Variants in SUGCT observed in about 807,000 individuals in gnomAD.
The protein encoded by SUGCT is succinyl-CoA:glutarate-CoA transferase, also known as succinyl-CoA:glutarate CoA-transferase.
In SUGCT, 41 loss-of-function variants were observed where a neutral mutation model predicts 55.0. The observed-to-expected ratio is 0.74, with a 90% CI of 0.58 to 0.97. The LOEUF is 0.97. SUGCT is among the 50% of genes least tolerant of loss of function. The pLI is 0.00. For missense variants in SUGCT, 568 were observed against 547.8 expected, an observed-to-expected ratio of 1.04 and a Z score of -0.37; for synonymous variants, 187 against 200.4, an observed-to-expected ratio of 0.93 and a Z score of 0.56.
intron 9 of SUGCT, among the ~76,000 whole-genome samples, chr7:40,338,815 G>A (rs118072957): frequency 0.015 from 2,260 of 152,266 alleles, 33 homozygotes; most frequent in Non-Finnish European, 0.022. Context: ...TTGTAGGGGA[G>A]GGGTGCTTGG....
Position 40,242,950 on chromosome 7 carries a change from T to A in SUGCT, c.576+5224T>A, listed in dbSNP as rs1189495796. Among the ~76,000 whole-genome samples, 174 of 91,052 alleles carry A rather than the reference T, an allele frequency of 1.9e-3. 5 individuals carry two copies. Among genetic ancestry groups the A allele is most frequent in the African/African-American group, 6.6e-3 (160 of 24,344 alleles). The allele number at this position is 91,052 out of a possible 152,430, so 59.7% of individuals were successfully genotyped here. A position where few individuals can be genotyped will look rare whatever the true frequency, so the allele number is the denominator to read the frequency against. ...ATATATATATTTTTTTTTTTTTTTT[T>A]TTTTTTTTTTTTGAGACAAGGTCTC... On this transcript the variant is annotated intron_variant, in intron 7 of 13. Coordinates refer to ENST00000335693, the MANE Select transcript of SUGCT (RefSeq NM_001193313.2).
At chr7:40,377,205 T>TC (rs1784627796) in intron 9 of SUGCT, among the ~76,000 whole-genome samples, 1 of 5,504 alleles carries the variant, frequency 1.8e-4, no homozygotes, top group African/African-American at 2.1e-4. Flanking sequence ...TTTCTTTTCT[T>TC]TTCTTTTCTT....
At chr7:40,610,219 G>T (rs764967612) in intron 12 of SUGCT, among the ~76,000 whole-genome samples, 1 of 152,110 alleles carries the variant, frequency 6.6e-6, no homozygotes, top group African/African-American at 2.4e-5. Context: ...TGTAGCATCC[G>T]CATGTAAGTC....
At chr7:40,927,526 A>G in the SUGCT span, among the ~76,000 whole-genome samples, 83 of 152,334 alleles carry the variant, frequency 5.4e-4, no homozygotes, top group African/African-American at 1.4e-3. Context: ...AACACTTTGC[A>G]TACCAGGAAA....
chr7:40,338,367 C>T (rs534263608), intron 9 of SUGCT, among the ~76,000 whole-genome samples: 125 of 152,282 alleles, frequency 8.2e-4, no homozygotes, highest in African/African-American at 2.6e-3. Flanking sequence ...CCATTCTCCC[C>T]GTCACTTTCA....
chr7:40,167,029 C>A (rs556471018), intron 1 of SUGCT, among the ~76,000 whole-genome samples: 1 of 152,178 alleles, frequency 6.6e-6, no homozygotes, highest in Non-Finnish European at 1.5e-5. Context: ...TATAACTCAG[C>A]CATTCCGCTA....
intron 9 of SUGCT, among the ~76,000 whole-genome samples, chr7:40,434,621 A>G (rs369529428): frequency 1.3e-5 from 2 of 152,162 alleles, no homozygotes; most frequent in South Asian, 2.1e-4. Flanking sequence ...GTTCTTTCTA[A>G]TCATATAGTA....
chr7:40,403,085 C>T (rs1786169814), intron 9 of SUGCT, among the ~76,000 whole-genome samples: 1 of 152,138 alleles, frequency 6.6e-6, no homozygotes, highest in Non-Finnish European at 1.5e-5. Context: ...TCCTCATGTC[C>T]TATCTTTATT....
intron 1 of SUGCT, among the ~76,000 whole-genome samples, chr7:40,157,654 C>T (rs1161621334): frequency 6.6e-6 from 1 of 152,086 alleles, no homozygotes; most frequent in Non-Finnish European, 1.5e-5. Flanking sequence ...CCTTAGTATT[C>T]CTAAAACTTT....
intron 1 of SUGCT, among the ~76,000 whole-genome samples, chr7:40,167,043 A>G (rs1185551759): frequency 6.6e-6 from 1 of 152,224 alleles, no homozygotes; most frequent in Non-Finnish European, 1.5e-5. Flanking sequence ...TCCGCTAAGT[A>G]TTTACACAAG....
chr7:40,828,398 C>T (rs1020990494), intron 13 of SUGCT, among the ~76,000 whole-genome samples: 1 of 152,068 alleles, frequency 6.6e-6, no homozygotes, highest in African/African-American at 2.4e-5. Flanking sequence ...ATGATCCTCT[C>T]CTTTCTCTCC....
At chr7:40,725,591 T>C (rs764888604) in intron 12 of SUGCT, among the ~76,000 whole-genome samples, 3 of 151,664 alleles carry the variant, frequency 2.0e-5, no homozygotes, top group Non-Finnish European at 2.9e-5. Flanking sequence ...TTTTTTTTTC[T>C]TTTCACTCTC....
At chr7:40,915,087 C>T in the SUGCT span, among the ~76,000 whole-genome samples, 33 of 152,092 alleles carry the variant, frequency 2.2e-4, no homozygotes, top group Non-Finnish European at 3.5e-4. Context: ...ACTTCTTTTC[C>T]GATCACTGCT....
At position 40,549,713 on chromosome 7, in the gene SUGCT, G is replaced by A. The variant is rs572566786; in HGVS notation, c.1089+53327G>A. On this transcript the variant is annotated intron_variant, in intron 12 of 13. Transcript: ENST00000335693. Reference sequence around the variant, plus strand: ...GATTTAGGTGTGTGAGTTGTGGAAAGCAGGTTATAAGTGTGGAAATAGCAT... The same window carrying A: ...GATTTAGGTGTGTGAGTTGTGGAAAACAGGTTATAAGTGTGGAAATAGCAT... 5.3e-5 allele frequency among the ~76,000 whole-genome samples: 8 copies of A among 152,304 alleles called. No individual in the cohort carries two copies. In the East Asian group the frequency reaches 1.5e-3, roughly 29 times the overall value.
At chr7:40,360,769 C>T (rs937241656) in intron 9 of SUGCT, among the ~76,000 whole-genome samples, 1 of 152,130 alleles carries the variant, frequency 6.6e-6, no homozygotes, top group African/African-American at 2.4e-5. Flanking sequence ...TTATGAAATT[C>T]AAACACTATC....
chr7:40,512,709 G>A (rs1792998862), intron 12 of SUGCT, among the ~76,000 whole-genome samples: 1 of 152,020 alleles, frequency 6.6e-6, no homozygotes, highest in African/African-American at 2.4e-5. Context: ...TGTGGTGAAG[G>A]GGTAGGTACT....
At chr7:40,261,530 G>A (rs1402093027) in intron 7 of SUGCT, among the ~76,000 whole-genome samples, 1 of 152,116 alleles carries the variant, frequency 6.6e-6, no homozygotes, top group Non-Finnish European at 1.5e-5. Flanking sequence ...AAACACGGAG[G>A]AAACAATGCT....
chr7:40,150,514 C>T (rs952790885), intron 1 of SUGCT, among the ~76,000 whole-genome samples: 2 of 152,060 alleles, frequency 1.3e-5, no homozygotes, highest in Non-Finnish European at 1.5e-5. Flanking sequence ...ACTAAAAATA[C>T]AAAAAACAAT....
intron 1 of SUGCT, among the ~76,000 whole-genome samples, chr7:40,164,057 C>T (rs369629532): frequency 3.3e-5 from 5 of 151,514 alleles, no homozygotes; most frequent in Admixed American, 2.0e-4. Flanking sequence ...TGGCCTCAGG[C>T]GATCTGTCCA....
Sources: allele counts gnomAD v4.1 joint callset (sites outside exome capture counted in the v4.1 genomes callset), GRCh38; gene constraint gnomAD v4.1.1; transcripts MANE v1.5; gene names NCBI Gene and HGNC (gene_info 2026-07-23, HGNC 2026-07-21).